Variants in SOD2 observed in about 807,000 individuals in gnomAD.
The protein encoded by SOD2 is superoxide dismutase 2.
A neutral mutation model predicts 27.0 loss-of-function variants in SOD2; 11 were observed. That is an observed-to-expected ratio of 0.41 (90% CI 0.26 to 0.67). The LOEUF is 0.67. SOD2 is among the 30% of genes least tolerant of loss of function. The pLI is 0.34. For missense variants in SOD2, 250 were observed against 274.5 expected (o/e 0.91, Z 0.63); for synonymous variants, 105 against 103.0 (o/e 1.02, Z -0.12).
chr6:159,728,454 T>A (rs1384710243), upstream of SOD2, among the ~76,000 whole-genome samples: 1 of 152,228 alleles, frequency 6.6e-6, no homozygotes, highest in Non-Finnish European at 1.5e-5. Context: ...TTTAGTCTGG[T>A]AGGGAAATAC....
At chr6:159,693,626 C>G (rs576989347), upstream of SOD2, among the ~76,000 whole-genome samples, 2 of 152,354 alleles carry the variant, frequency 1.3e-5, no homozygotes, top group Non-Finnish European at 2.9e-5. Context: ...GCGGCTGCGG[C>G]GCCTGCCCCT....
upstream of SOD2, chr6:159,727,665 A>T (rs564156087): frequency 4.1e-6 from 4 of 985,156 alleles, no homozygotes; most frequent in East Asian, 1.1e-4. Flanking sequence ...GCCTCGGCCT[A>T]TGCGACCGGT....
At chr6:159,712,167 T>C (rs1177006396) in intron 1 of SOD2, among the ~76,000 whole-genome samples, 2 of 90,500 alleles carry the variant, frequency 2.2e-5, no homozygotes, top group African/African-American at 6.9e-5. Flanking sequence ...CTGACCACCA[T>C]AACCACCTCC....
At chr6:159,727,625 G>C, upstream of SOD2, 4 of 986,082 alleles carry the variant, frequency 4.1e-6, no homozygotes, top group Non-Finnish European at 4.8e-6. Flanking sequence ...CGGTGGCCCG[G>C]GGGGCCCGGG....
intron 1 of SOD2, among the ~76,000 whole-genome samples, chr6:159,723,567 T>C (rs1201236777): frequency 6.6e-6 from 1 of 152,198 alleles, no homozygotes; most frequent in Non-Finnish European, 1.5e-5. Context: ...GAAACCAAGA[T>C]CTCAGTGTCA....
chr6:159,759,426 C>T (rs1314252062), intron 1 of SOD2, among the ~76,000 whole-genome samples: 1 of 150,000 alleles, frequency 6.7e-6, no homozygotes, highest in East Asian at 2.0e-4. Context: ...AATCCCAGCA[C>T]TTTGGGAGGC....
chr6:159,694,761 ATTTT>A (rs34851405), upstream of SOD2, among the ~76,000 whole-genome samples: 1 of 140,538 alleles, frequency 7.1e-6, no homozygotes, highest in Non-Finnish European at 1.5e-5. Flanking sequence ...ACGCCCCACT[ATTTT>A]TTTTTTTTTT....
chr6:159,758,916 C>T (rs1050185160), intron 1 of SOD2, among the ~76,000 whole-genome samples: 7 of 152,144 alleles, frequency 4.6e-5, no homozygotes, highest in African/African-American at 1.7e-4. Flanking sequence ...AAGGCCCCTT[C>T]AGGATAAACT....
At chr6:159,749,183 T>C, upstream of SOD2, 1 of 985,908 alleles carries the variant, frequency 1.0e-6, no homozygotes, top group African/African-American at 1.7e-5. Context: ...AACTTCAGGT[T>C]GAAACTGTTT....
chr6:159,727,755 A>G (rs1019796526), upstream of SOD2: 6 of 981,084 alleles, frequency 6.1e-6, no homozygotes, highest in African/African-American at 1.0e-4. Flanking sequence ...CCGGGGCCTG[A>G]GGGCTGATGC....
chr6:159,718,465 TAAC>T (rs780969491), intron 1 of SOD2, among the ~76,000 whole-genome samples: 25 of 152,354 alleles, frequency 1.6e-4, no homozygotes, highest in African/African-American at 4.8e-4. Flanking sequence ...AAAATTATGA[TAAC>T]AATCTACTGA....
At chr6:159,693,288 G>A, upstream of SOD2, 2 of 814,528 alleles carry the variant, frequency 2.5e-6, no homozygotes, top group South Asian at 3.7e-5. Context: ...CGGGGAGCAG[G>A]GCCGCGACCC....
In SOD2 at chr6:159,757,057, T is replaced by C. The variant is rs574726320; in HGVS notation, c.-336+3980A>G. Among the ~76,000 whole-genome samples, 10 of 152,120 alleles carry C rather than the reference T, an allele frequency of 6.6e-5. No homozygotes were observed. In the South Asian group the frequency reaches 1.9e-3, roughly 28 times the overall value. ...CTGGTAATATTATATGAGTAAGGGG[T>C]GTTAGAATGTAGGTAGGAGAAAATG... On this transcript the variant is annotated intron_variant, in intron 1 of 7. Coordinates refer to the SOD2 transcript ENST00000546087.
chr6:159,757,948 G>T (rs1583115079), intron 1 of SOD2, among the ~76,000 whole-genome samples: 1 of 152,288 alleles, frequency 6.6e-6, no homozygotes, highest in South Asian at 2.1e-4. Flanking sequence ...ACAATTTTAT[G>T]ACTGAATTTA....
In SOD2 at chr6:159,735,695, C is replaced by T. The variant is rs572502853; in HGVS notation, c.-116+9435G>A. ...ACCCTGGAGGCGGAGGTTGCAGTGA[C>T]CTGAGATCGCGCCACTGCACTCCAT... On this transcript the variant is annotated intron_variant, in intron 1 of 3. Transcript: ENST00000537657. Among the ~76,000 whole-genome samples, 32 of 152,042 alleles carry T rather than the reference C, an allele frequency of 2.1e-4. No individual in the cohort carries two copies. The South Asian group carries it at 4.6e-3, about 22-fold the overall frequency.
At chr6:159,697,950 G>A (rs1777454464), upstream of SOD2, among the ~76,000 whole-genome samples, 1 of 152,120 alleles carries the variant, frequency 6.6e-6, no homozygotes, top group Non-Finnish European at 1.5e-5. Context: ...GATCAGCCTG[G>A]CCAACATGGT....
chr6:159,748,086 C>A, upstream of SOD2: 1 of 1,362,868 alleles, frequency 7.3e-7, no homozygotes, highest in Non-Finnish European at 9.9e-7. This position sits in a 1 kb window ranked among gnomAD's most constrained non-coding sequence, Gnocchi z 5.6. Flanking sequence ...AGGGGAGGAG[C>A]TTAATGAAAG....
At chr6:159,755,896 G>GA (rs1779996880) in intron 1 of SOD2, 1 of 339,674 alleles carries the variant, frequency 2.9e-6, no homozygotes, top group Non-Finnish European at 4.9e-6. Context: ...GAGTTAATGT[G>GA]AAATTGTAAA....
At chr6:159,717,128 A>AT (rs113051125) in intron 1 of SOD2, among the ~76,000 whole-genome samples, 7 of 152,204 alleles carry the variant, frequency 4.6e-5, no homozygotes, top group South Asian at 2.1e-4. Context: ...TAATGAAGGG[A>AT]TTTTTTTCCA....
Sources: gnomAD v4.1 joint callset for allele counts (sites outside exome capture counted in the v4.1 genomes callset) on GRCh38, gnomAD v4.1.1 for gene constraint, Gnocchi (gnomAD v3.1) non-coding constraint, MANE v1.5 for transcripts, NCBI Gene and HGNC (gene_info 2026-07-23, HGNC 2026-07-21) for gene names.